NF1: variants seen among roughly 807,000 people sequenced by gnomAD.
NF1 encodes the protein neurofibromin 1.
Under a neutral mutation model 325.7 loss-of-function variants are expected in NF1, and 122 were observed. The observed-to-expected ratio is 0.37, with a 90% confidence interval of 0.32 to 0.44. The LOEUF (loss-of-function observed/expected upper bound fraction) is 0.44, where lower values mean the gene tolerates loss of function less well. Ranked by LOEUF, NF1 falls within the 20% of genes least tolerant of loss-of-function variation. The pLI is 1.00. For synonymous variants in NF1, 1,091 were observed against 1,186.0 expected, an observed-to-expected ratio of 0.92 and a Z score of 1.65; for missense variants, 2,140 against 3,415.4, an observed-to-expected ratio of 0.63 and a Z score of 9.31.
At chr17:31,155,814 G>A (rs935975976) in intron 1 of NF1, among the ~76,000 whole-genome samples, 169 bp from the exon 2 acceptor site, 1 of 152,174 alleles carries the variant, frequency 6.6e-6, no homozygotes, top group African/African-American at 2.4e-5. Context: ...ACATATCTGT[G>A]TATCATATAT....
intron 57 of NF1, among the ~76,000 whole-genome samples, chr17:31,370,613 C>G (rs1377982512): frequency 6.6e-6 from 1 of 152,190 alleles, no homozygotes; most frequent in Non-Finnish European, 1.5e-5. Flanking sequence ...GTGACTTCAT[C>G]TACATTACTA....
At position 31,232,692 on chromosome 17, in the gene NF1, T is replaced by C. The variant is rs764783865; in HGVS notation, c.3315-8T>C. The stretch of plus-strand genomic sequence containing the variant: ...CACTATGTAAAGGTCAGTCTTTTTA[T>C]TTCTCAGATACTTCACATTATTTAT... On this transcript the variant is annotated splice_polypyrimidine_tract_variant and splice_region_variant and intron_variant, in intron 25 of 57. Coordinates refer to ENST00000358273, the MANE Select transcript of NF1 (RefSeq NM_001042492.3). 17 of 1,613,500 alleles carry C rather than the reference T, an allele frequency of 1.1e-5. No homozygotes were observed. The Admixed American group carries it at 1.7e-4, about 16-fold the overall frequency.
At chr17:31,193,815 T>C (rs980957231) in intron 8 of NF1, among the ~76,000 whole-genome samples, 1 of 152,118 alleles carries the variant, frequency 6.6e-6, no homozygotes, top group Non-Finnish European at 1.5e-5. Context: ...ATCAGGGAAA[T>C]GCAAATCAAA....
intron 1 of NF1, chr17:31,137,718 GAAAAA>G (rs200592250): frequency 7.1e-6 from 1 of 141,092 alleles, no homozygotes; most frequent in Non-Finnish European, 1.5e-5. Flanking sequence ...TAGCTTGCTG[GAAAAA>G]AAAAAAAGTA....
rs546733935 is a variant in NF1 at position 31,260,296 on chromosome 17, T to G, written c.4431-73T>G. The stretch of plus-strand genomic sequence containing the variant: ...CTTAGTTACTTCACAAAGTTACTTC[T>G]TATAAATTTAATTCAAACATAAGTC... On this transcript the variant is annotated intron_variant, in intron 33 of 57. Transcript: ENST00000358273. The G allele has an allele frequency of 6.7e-6, 10 of 1,483,626 alleles. No individual in the cohort carries two copies. The East Asian group carries it at 6.8e-5, about 10-fold the overall frequency. 91.9% of individuals were successfully genotyped at this position (1,483,626 alleles called of 1,614,324 possible). A position where few individuals can be genotyped will look rare whatever the true frequency, so the allele number is the denominator to read the frequency against.
chr17:31,111,018 C>G (rs952585710), intron 1 of NF1, among the ~76,000 whole-genome samples: 1 of 151,982 alleles, frequency 6.6e-6, no homozygotes, highest in Non-Finnish European at 1.5e-5. Flanking sequence ...ATAGTGCATG[C>G]CACATTAAAA....
chr17:31,286,369 G>T (rs17886464), intron 36 of NF1, among the ~76,000 whole-genome samples: 2 of 152,158 alleles, frequency 1.3e-5, no homozygotes, highest in Admixed American at 1.3e-4. Context: ...GCTTACAGGC[G>T]TGAGCCACCA....
chr17:31,278,905 G>A (rs909018153), intron 36 of NF1, among the ~76,000 whole-genome samples: 7 of 152,096 alleles, frequency 4.6e-5, no homozygotes, highest in African/African-American at 1.7e-4. Context: ...GTGAGCCGCC[G>A]CGCCTGGCCT....
At chr17:31,138,793 A>C (rs1915990178) in intron 1 of NF1, among the ~76,000 whole-genome samples, 1 of 150,712 alleles carries the variant, frequency 6.6e-6, no homozygotes, top group Non-Finnish European at 1.5e-5. Context: ...CGTGTTAGCC[A>C]GGATGGTCTC....
At chr17:31,169,525 A>G (rs2065898137) in intron 4 of NF1, among the ~76,000 whole-genome samples, 1 of 152,138 alleles carries the variant, frequency 6.6e-6, no homozygotes, top group Admixed American at 6.6e-5. Context: ...TTCAGAATTT[A>G]GGGATACCCG....
chr17:31,163,157 T>G (rs764946966), intron 3 of NF1, 29 bp from the exon 4 acceptor site: 7 of 1,610,002 alleles, frequency 4.3e-6, no homozygotes, highest in Middle Eastern at 1.6e-4. Flanking sequence ...AAATTAAAGT[T>G]TAGAATAATG....
At chr17:31,195,420 G>T (rs1473902796) in intron 8 of NF1, among the ~76,000 whole-genome samples, 1 of 152,026 alleles carries the variant, frequency 6.6e-6, no homozygotes, top group Non-Finnish European at 1.5e-5. Context: ...TACCATCTTA[G>T]CCATTTTTAA....
intron 45 of NF1, 56 bp downstream of exon 45, chr17:31,338,195 A>G (rs2069729661): frequency 8.1e-7 from 1 of 1,237,826 alleles, no homozygotes; most frequent in East Asian, 2.3e-5. Context: ...GTTGTAAAGC[A>G]TATCTTTCAT....
chr17:31,209,121 ACCCC>A (rs1423816453), intron 12 of NF1, among the ~76,000 whole-genome samples: 2 of 151,676 alleles, frequency 1.3e-5, no homozygotes, highest in Admixed American at 6.6e-5. Context: ...TATTCCCTTT[ACCCC>A]CCAGCCCTCC....
At chr17:31,322,033 A>G (rs1260223804) in intron 36 of NF1, 1 of 152,140 alleles carries the variant, frequency 6.6e-6, no homozygotes, top group East Asian at 1.9e-4. Context: ...ATTTGAGAAA[A>G]TATCTAGTAA....
intron 15 of NF1, among the ~76,000 whole-genome samples, chr17:31,223,019 C>T (rs2066953504): frequency 6.6e-6 from 1 of 152,176 alleles, no homozygotes; most frequent in Admixed American, 6.5e-5. Context: ...ACGGGCATGG[C>T]TGTGTTTAAC....
intron 29 of NF1, among the ~76,000 whole-genome samples, chr17:31,242,468 T>C (rs1335631829): frequency 6.6e-6 from 1 of 152,098 alleles, no homozygotes; most frequent in African/African-American, 2.4e-5. Flanking sequence ...TTCTAGATCT[T>C]GTAAGCATGC....
At chr17:31,221,810 T>A (rs780027129) in intron 14 of NF1, 40 bp from the exon 15 acceptor site, 1 of 1,426,184 alleles carries the variant, frequency 7.0e-7, no homozygotes, top group Non-Finnish European at 9.8e-7. Context: ...AATGTTTGAG[T>A]GAGTCTTCTC....
At chr17:31,259,317 T>G (rs1326006324) in intron 33 of NF1, among the ~76,000 whole-genome samples, 188 bp downstream of exon 33, 4 of 152,172 alleles carry the variant, frequency 2.6e-5, no homozygotes, top group African/African-American at 9.6e-5. Context: ...TTAATATTTT[T>G]TATAATTTGG....
Sources: gnomAD v4.1 joint callset for allele counts (sites outside exome capture counted in the v4.1 genomes callset) on GRCh38, gnomAD v4.1.1 for gene constraint, MANE v1.5 for transcripts, NCBI Gene and HGNC (gene_info 2026-07-23, HGNC 2026-07-21) for gene names.